Variants in RBFOX1 observed in about 807,000 individuals in gnomAD.
The protein encoded by RBFOX1 is RNA binding protein fox-1 homolog 1.
Under a neutral mutation model 57.7 loss-of-function variants are expected in RBFOX1, and 8 were observed. That is an observed-to-expected ratio of 0.14 (90% CI 0.08 to 0.25). The LOEUF is 0.25. Among genes scored for constraint, RBFOX1 ranks in the 10% least tolerant of loss-of-function variants. The probability of loss-of-function intolerance (pLI) is 1.00; values close to 1 mark genes in which losing one functional copy is unlikely to be tolerated. For missense variants in RBFOX1, 611 were observed against 548.5 expected, an observed-to-expected ratio of 1.11 and a Z score of -1.14; for synonymous variants, 326 against 222.4, an observed-to-expected ratio of 1.47 and a Z score of -4.15.
chr16:7,214,251 T>C (rs2091651036), intron 4 of RBFOX1, among the ~76,000 whole-genome samples: 1 of 152,152 alleles, frequency 6.6e-6, no homozygotes, highest in Admixed American at 6.5e-5. Flanking sequence ...CTCAAAAGAC[T>C]TCTGAAATTG....
At chr16:5,473,542 G>T (rs571737837) in intron 2 of RBFOX1, among the ~76,000 whole-genome samples, 48 of 152,120 alleles carry the variant, frequency 3.2e-4, no homozygotes, top group African/African-American at 1.1e-3. Flanking sequence ...TGGGTGGGTA[G>T]GTGGATGGAT....
At chr16:7,140,512 T>G (rs1236593258) in intron 4 of RBFOX1, among the ~76,000 whole-genome samples, 2 of 152,060 alleles carry the variant, frequency 1.3e-5, no homozygotes, top group Non-Finnish European at 2.9e-5. Flanking sequence ...ACCTAGCATA[T>G]AGTATGAGTT....
chr16:6,437,033 T>C (rs535823405), intron 2 of RBFOX1, among the ~76,000 whole-genome samples: 2 of 152,278 alleles, frequency 1.3e-5, no homozygotes, highest in African/African-American at 4.8e-5. Flanking sequence ...GAATGTGAAG[T>C]TACTCAGTAT....
intron 1 of RBFOX1, among the ~76,000 whole-genome samples, chr16:6,223,069 A>G (rs2097387719): frequency 6.7e-6 from 1 of 149,020 alleles, no homozygotes; most frequent in Admixed American, 6.8e-5. Context: ...CATGGTGTAT[A>G]TGTGCCACAT....
intron 3 of RBFOX1, among the ~76,000 whole-genome samples, chr16:5,756,912 C>T (rs180939282): frequency 4.6e-5 from 7 of 152,262 alleles, no homozygotes; most frequent in Non-Finnish European, 8.8e-5. Context: ...AAGGGTTCTA[C>T]AAGATGATGT....
At chr16:6,877,597 C>T (rs762693292) in intron 3 of RBFOX1, among the ~76,000 whole-genome samples, 34 of 152,092 alleles carry the variant, frequency 2.2e-4, no homozygotes, top group Non-Finnish European at 1.5e-4. Flanking sequence ...CAACAATAAC[C>T]GTGTCTTTGC....
At chr16:7,186,846 T>G (rs1332472997) in intron 4 of RBFOX1, among the ~76,000 whole-genome samples, 1 of 151,360 alleles carries the variant, frequency 6.6e-6, no homozygotes, top group African/African-American at 2.4e-5. Flanking sequence ...CAATATTCTT[T>G]ATGACTTATT....
chr16:6,043,399 A>T (rs911414065), intron 1 of RBFOX1, among the ~76,000 whole-genome samples: 12 of 152,134 alleles, frequency 7.9e-5, no homozygotes, highest in African/African-American at 2.7e-4. Context: ...ACATTTTGGG[A>T]TACAATATTT....
In RBFOX1 at chr16:5,362,543, G is replaced by T. The variant is rs1056328973; in HGVS notation, c.220-104673G>T. Among the ~76,000 whole-genome samples the T allele has an allele frequency of 5.9e-5, 9 of 152,128 alleles. No individual in the cohort carries two copies. In the East Asian group the frequency reaches 7.7e-4, roughly 13 times the overall value. ...ACGCTTGGCTAATTTTGTATTTTTAGTAGAGACGGGGTTTCTCCATGTTGG... is the reference window on the plus strand; with the variant it reads ...ACGCTTGGCTAATTTTGTATTTTTATTAGAGACGGGGTTTCTCCATGTTGG... On this transcript the variant is annotated intron_variant, in intron 1 of 2. Coordinates refer to the RBFOX1 transcript ENST00000585867.
chr16:5,443,809 C>G (rs539068973), intron 1 of RBFOX1, among the ~76,000 whole-genome samples: 1 of 152,314 alleles, frequency 6.6e-6, no homozygotes, highest in African/African-American at 2.4e-5. Context: ...ATGAACAGGA[C>G]TATCGCTACT....
At chr16:5,690,510 T>A (rs2050641356) in intron 3 of RBFOX1, among the ~76,000 whole-genome samples, 1 of 152,064 alleles carries the variant, frequency 6.6e-6, no homozygotes, top group Non-Finnish European at 1.5e-5. Flanking sequence ...ACGCCTGGCA[T>A]GATGGAGGCA....
intron 3 of RBFOX1, among the ~76,000 whole-genome samples, chr16:7,001,657 A>C (rs1016227278): frequency 3.9e-5 from 6 of 151,904 alleles, no homozygotes; most frequent in African/African-American, 1.5e-4. Flanking sequence ...GGGTTTCACC[A>C]TGTTGGCCAG....
intron 1 of RBFOX1, among the ~76,000 whole-genome samples, chr16:5,260,210 C>A (rs986176729): frequency 3.9e-5 from 6 of 152,092 alleles, no homozygotes; most frequent in Admixed American, 3.9e-4. Flanking sequence ...AAAATGGGTT[C>A]TGAGTCCAAA....
intron 2 of RBFOX1, among the ~76,000 whole-genome samples, chr16:6,425,409 C>T (rs1194133693): frequency 6.6e-6 from 1 of 152,118 alleles, no homozygotes; most frequent in East Asian, 1.9e-4. Context: ...TTAAAAATGG[C>T]AGTAGTGTTC....
intron 3 of RBFOX1, among the ~76,000 whole-genome samples, chr16:5,726,905 T>A (rs898170540): frequency 2.0e-5 from 3 of 152,084 alleles, no homozygotes; most frequent in Admixed American, 6.5e-5. Context: ...CTCAGAAAGG[T>A]TCTGTGACTT....
chr16:7,074,204 G>C (rs539987163), intron 4 of RBFOX1, among the ~76,000 whole-genome samples: 10 of 152,318 alleles, frequency 6.6e-5, no homozygotes, highest in Admixed American at 2.0e-4. Flanking sequence ...GATTGAAGTA[G>C]ACAAGGACTT....
chr16:6,119,483 A>C (rs1346179086), intron 1 of RBFOX1, among the ~76,000 whole-genome samples: 1 of 152,216 alleles, frequency 6.6e-6, no homozygotes, highest in Admixed American at 6.5e-5. Context: ...CTTTGAACTT[A>C]AAAGTACACT....
At chr16:6,485,419 A>T (rs1408026096) in intron 2 of RBFOX1, among the ~76,000 whole-genome samples, 1 of 151,126 alleles carries the variant, frequency 6.6e-6, no homozygotes, top group Non-Finnish European at 1.5e-5. Context: ...TTTTTCATCT[A>T]CGTGTATTTC....
intron 3 of RBFOX1, among the ~76,000 whole-genome samples, chr16:6,943,343 A>G (rs1005560387): frequency 2.6e-5 from 4 of 152,224 alleles, no homozygotes; most frequent in African/African-American, 4.8e-5. Context: ...GCATACTTCT[A>G]TATTTGAGTT....
Sources: allele counts gnomAD v4.1 joint callset (sites outside exome capture counted in the v4.1 genomes callset), GRCh38; gene constraint gnomAD v4.1.1; transcripts MANE v1.5; gene names NCBI Gene and HGNC (gene_info 2026-07-23, HGNC 2026-07-21).